Variants in MATN2 observed in about 807,000 individuals in gnomAD.
The protein encoded by MATN2 is matrilin-2.
Under a neutral mutation model 103.2 loss-of-function variants are expected in MATN2, and 69 were observed. The ratio of observed to expected loss-of-function variants is 0.67; its 90% CI spans 0.55 to 0.82. The LOEUF is 0.82. MATN2 is among the 40% of genes least tolerant of loss of function. MATN2 has a pLI of 0.00. For synonymous variants in MATN2, 429 were observed against 450.2 expected, an observed-to-expected ratio of 0.95 and a Z score of 0.60; for missense variants, 1,023 against 1,211.5, an observed-to-expected ratio of 0.84 and a Z score of 2.31.
At chr8:98,026,763 A>G (rs1192703473) in intron 13 of MATN2, among the ~76,000 whole-genome samples, 1 of 152,236 alleles carries the variant, frequency 6.6e-6, no homozygotes, top group Non-Finnish European at 1.5e-5. Context: ...ACATCATTAA[A>G]TAATTATTGT....
At chr8:97,903,540 T>C (rs1340919165) in intron 2 of MATN2, among the ~76,000 whole-genome samples, 1 of 152,118 alleles carries the variant, frequency 6.6e-6, no homozygotes, top group Non-Finnish European at 1.5e-5. Flanking sequence ...TGGAATGAAA[T>C]GGAGATGCCT....
At chr8:97,980,810 C>T (rs1158650120) in intron 6 of MATN2, among the ~76,000 whole-genome samples, 1 of 151,894 alleles carries the variant, frequency 6.6e-6, no homozygotes, top group Non-Finnish European at 1.5e-5. Flanking sequence ...CTCAAGTGAT[C>T]CACCCACCTC....
At chr8:97,976,147 CAG>C (rs1050011826) in intron 5 of MATN2, among the ~76,000 whole-genome samples, 1 of 149,864 alleles carries the variant, frequency 6.7e-6, no homozygotes, top group East Asian at 1.9e-4. Context: ...TTTTTTGAGA[CAG>C]AGTCTTGCTC....
intron 2 of MATN2, among the ~76,000 whole-genome samples, chr8:97,896,210 GATTA>G (rs1818801187): frequency 6.6e-6 from 1 of 152,188 alleles, no homozygotes; most frequent in Non-Finnish European, 1.5e-5. Context: ...TTTCAATCTT[GATTA>G]ACCTTCTTAG....
intron 3 of MATN2, among the ~76,000 whole-genome samples, chr8:97,940,536 T>C (rs902764863): frequency 2.3e-5 from 1 of 43,326 alleles, no homozygotes; most frequent in African/African-American, 9.3e-5. Context: ...CCACCATATT[T>C]CTTACTCCAA....
At chr8:97,971,810 G>T (rs1811661994) in intron 5 of MATN2, among the ~76,000 whole-genome samples, 1 of 151,956 alleles carries the variant, frequency 6.6e-6, no homozygotes, top group Non-Finnish European at 1.5e-5. Flanking sequence ...ACTGACTGAG[G>T]TTGATTGCAA....
intron 5 of MATN2, among the ~76,000 whole-genome samples, chr8:97,972,338 C>CAAA (rs3076713): frequency 0.083 from 10,506 of 126,582 alleles, 544 homozygotes; most frequent in Admixed American, 0.17. Context: ...GACCCTGTCT[C>CAAA]AAAAAAAAAA....
chr8:97,900,811 T>G (rs1478369063), intron 2 of MATN2, among the ~76,000 whole-genome samples: 2 of 152,100 alleles, frequency 1.3e-5, no homozygotes, highest in African/African-American at 4.8e-5. Context: ...GGCGGGCACC[T>G]GTAGTCCCAC....
chr8:97,879,810 C>T (rs977985252), intron 1 of MATN2, among the ~76,000 whole-genome samples: 8 of 152,276 alleles, frequency 5.3e-5, no homozygotes, highest in Admixed American at 3.9e-4. Flanking sequence ...AGGTCAACAT[C>T]GCGGAGAACT....
chr8:98,035,196 A>G (rs986380674), intron 18 of MATN2, among the ~76,000 whole-genome samples: 2 of 152,104 alleles, frequency 1.3e-5, no homozygotes, highest in African/African-American at 2.4e-5. Context: ...CACCTCTACT[A>G]AAAATACAAA....
At chr8:97,989,983 A>G (rs1012757689) in intron 6 of MATN2, among the ~76,000 whole-genome samples, 2 of 152,138 alleles carry the variant, frequency 1.3e-5, no homozygotes, top group African/African-American at 4.8e-5. Context: ...GGAGTTTGAG[A>G]CAAGCCTGGC....
intron 2 of MATN2, among the ~76,000 whole-genome samples, chr8:97,899,910 C>A (rs1818926677): frequency 6.6e-6 from 1 of 152,174 alleles, no homozygotes; most frequent in African/African-American, 2.4e-5. Flanking sequence ...ATGAGAAACG[C>A]TGGGGAAGCA....
At chr8:97,894,603 T>C (rs1818745750) in intron 2 of MATN2, among the ~76,000 whole-genome samples, 1 of 151,958 alleles carries the variant, frequency 6.6e-6, no homozygotes, top group Non-Finnish European at 1.5e-5. Flanking sequence ...ATTACAAGTG[T>C]GAACCATTCC....
intron 10 of MATN2, among the ~76,000 whole-genome samples, chr8:98,011,503 C>T (rs7830701): frequency 0.17 from 26,595 of 152,144 alleles, 2,921 homozygotes; most frequent in African/African-American, 0.3. Context: ...GGACCAGAGC[C>T]GAGTCCCCTG....
intron 5 of MATN2, among the ~76,000 whole-genome samples, chr8:97,964,780 C>T (rs552599246): frequency 3.3e-5 from 5 of 152,096 alleles, no homozygotes; most frequent in Non-Finnish European, 7.4e-5. Flanking sequence ...GTCACCCAGA[C>T]TGGAGTACAG....
At chr8:97,996,935 T>C (rs1181894105) in intron 7 of MATN2, among the ~76,000 whole-genome samples, 2 of 152,216 alleles carry the variant, frequency 1.3e-5, no homozygotes, top group Non-Finnish European at 2.9e-5. Context: ...TTAAAGGAAT[T>C]TGATGTCATC....
In MATN2 at chr8:98,007,695, GTCTC is replaced by G. The variant is rs965350385; in HGVS notation, c.1573+95_1573+98del. The stretch of plus-strand genomic sequence containing the variant: ...ACGTGTATATGTGCCTGTGTGTCCT[GTCTC>G]CAGGCTTTGCTGGGCCTGCATGAAT... On this transcript the variant is annotated intron_variant, in intron 10 of 18. Coordinates refer to ENST00000254898, the MANE Select transcript of MATN2 (RefSeq NM_002380.5). This position sits in a 1 kb window ranked among gnomAD's most constrained non-coding sequence, Gnocchi z 4.2. The G allele has an allele frequency of 6.9e-7, 1 of 1,444,376 alleles. No homozygotes were observed. Among genetic ancestry groups the G allele is most frequent in the African/African-American group, 1.4e-5 (1 of 71,366 alleles). The allele number at this position is 1,444,376 out of a possible 1,614,324, so 89.5% of individuals were successfully genotyped here.
chr8:97,888,520 CCTT>C (rs1563647241), intron 2 of MATN2, among the ~76,000 whole-genome samples: 2 of 152,114 alleles, frequency 1.3e-5, no homozygotes, highest in African/African-American at 4.8e-5. Flanking sequence ...CTGAAAATGT[CCTT>C]GTTGTTGGAC....
chr8:98,028,987 T>C (rs1813912802), intron 14 of MATN2, among the ~76,000 whole-genome samples: 1 of 152,156 alleles, frequency 6.6e-6, no homozygotes, highest in South Asian at 2.1e-4. Context: ...TCTAAGACTT[T>C]ATGGACCCAG....
Sources: gnomAD v4.1 joint callset for allele counts (sites outside exome capture counted in the v4.1 genomes callset) on GRCh38, gnomAD v4.1.1 for gene constraint, Gnocchi (gnomAD v3.1) non-coding constraint, MANE v1.5 for transcripts, NCBI Gene and HGNC (gene_info 2026-07-23, HGNC 2026-07-21) for gene names.